The following MIER3 variants were observed in gnomAD, a reference collection of about 807,000 sequenced individuals.
MIER3 encodes mesoderm induction early response protein 3.
MIER3 carries 9 observed loss-of-function variants against 63.2 expected under a neutral mutation model. That is an observed-to-expected ratio of 0.14 (90% CI 0.09 to 0.25). The LOEUF (loss-of-function observed/expected upper bound fraction) is 0.25, where lower values mean the gene tolerates loss of function less well. Ranked by LOEUF, MIER3 falls within the 10% of genes least tolerant of loss-of-function variation. MIER3 has a pLI of 1.00. For synonymous variants in MIER3, 205 were observed against 224.9 expected (o/e 0.91, Z 0.79); for missense variants, 512 against 666.2 (o/e 0.77, Z 2.55).
Position 56,951,547 on chromosome 5 carries a change from G to A in MIER3, c.9+547C>T, listed in dbSNP as rs543923276. ...GTCCCGCTCTTCTGAGAAGCCCGGT[G>A]GCCCCGCATCCCGCTCTTCTCCGCG... On this transcript the variant is annotated intron_variant, in intron 1 of 12. Transcript: ENST00000381199. Among the ~76,000 whole-genome samples, 8 of 152,284 alleles carry A rather than the reference G, an allele frequency of 5.3e-5. No individual in the cohort carries two copies. In the South Asian group the frequency reaches 1.2e-3, roughly 24 times the overall value.
intron 10 of MIER3, among the ~76,000 whole-genome samples, chr5:56,924,880 A>G (rs1749885243): frequency 6.6e-6 from 1 of 152,236 alleles, no homozygotes; most frequent in African/African-American, 2.4e-5. Flanking sequence ...ATATAAGATT[A>G]CTAATATGGG....
chr5:56,937,603 A>T lies in MIER3; in HGVS notation c.411T>A (p.Ser137=). The T allele has an allele frequency of 1.9e-6, 3 of 1,611,562 alleles. No homozygotes were observed. The highest frequency in any genetic ancestry group is 2.5e-6 in the Non-Finnish European group (3 of 1,178,650). Reference sequence around the variant, plus strand: ...ATCGTAAAGGCCTAGGGAAGAAATCAGAAGTTTCATGGGAAGTCACAGATG... The same window carrying T: ...ATCGTAAAGGCCTAGGGAAGAAATCTGAAGTTTCATGGGAAGTCACAGATG... ...LTPSVTSHET[S]DFFPRPLRSN... The change falls in exon 5 of 13, where the codon TCT becomes TCA. Residue 137 remains serine (S), a synonymous_variant. Transcript: ENST00000381199.
At position 56,919,844 on chromosome 5, in the gene MIER3, A is replaced by G. The variant is rs1174844074; in HGVS notation, c.*3284T>C. Reference sequence around the variant, plus strand: ...CACTGGTCATCTAAGAGGAATATTAATATCTACCATATTTAACAATAAAAC... The same window carrying G: ...CACTGGTCATCTAAGAGGAATATTAGTATCTACCATATTTAACAATAAAAC... On this transcript the variant is annotated 3_prime_UTR_variant, in exon 13 of 13. Transcript: ENST00000381199. 6.6e-6 allele frequency: 1 copy of G among 152,640 alleles called. No individual in the cohort carries two copies. Among genetic ancestry groups the G allele is most frequent in the African/African-American group, 2.4e-5 (1 of 41,460 alleles). The allele number at this position is 152,640 out of a possible 1,614,324, so 9.5% of individuals were successfully genotyped here. A position where few individuals can be genotyped will look rare whatever the true frequency, so the allele number is the denominator to read the frequency against.
rs1026762855 is a variant in MIER3, at chr5:56,922,656, C to G, written c.*472G>C. On this transcript the variant is annotated 3_prime_UTR_variant, in exon 13 of 13. Transcript: ENST00000381199. ...AAAAAATGCTACATTGAGCAGGGAT[C>G]GGGATCGGTACCTGTAAACATTGTT... The G allele has an allele frequency of 6.3e-6, 1 of 157,766 alleles. No homozygotes were observed. Among genetic ancestry groups the G allele is most frequent in the Non-Finnish European group, 1.4e-5 (1 of 70,912 alleles). The allele number at this position is 157,766 out of a possible 1,614,324, so 9.8% of individuals were successfully genotyped here. A position where few individuals can be genotyped will look rare whatever the true frequency, so the allele number is the denominator to read the frequency against.
intron 3 of MIER3, among the ~76,000 whole-genome samples, chr5:56,943,268 C>T (rs970398634): frequency 1.3e-5 from 2 of 150,226 alleles, no homozygotes; most frequent in African/African-American, 4.9e-5. Flanking sequence ...CTGAGGGCAA[C>T]ACAAGATCAA....
chr5:56,949,725 A>C (rs1750952357), intron 2 of MIER3, among the ~76,000 whole-genome samples: 1 of 152,222 alleles, frequency 6.6e-6, no homozygotes. Flanking sequence ...AAGATTTAGG[A>C]GCTCATCTGT....
intron 3 of MIER3, among the ~76,000 whole-genome samples, chr5:56,939,553 A>T (rs768310300): frequency 3.9e-5 from 6 of 152,178 alleles, no homozygotes; most frequent in Middle Eastern, 3.2e-3. Context: ...CAGTTTTTTT[A>T]AAACAACTGT....
chr5:56,935,281 T>C, intron 7 of MIER3, 147 bp downstream of exon 7: 1 of 650,988 alleles, frequency 1.5e-6, no homozygotes, highest in Non-Finnish European at 2.6e-6. Context: ...ACATTTTTCC[T>C]AAGTCAGGCC....
At chr5:56,947,176 G>T in intron 2 of MIER3, 105 bp from the exon 3 acceptor site, 1 of 1,084,644 alleles carries the variant, frequency 9.2e-7, no homozygotes, top group Non-Finnish European at 1.3e-6. Context: ...TTTATATGAG[G>T]GTTTTACTAA....
At chr5:56,925,515 C>T (rs183072175) in intron 10 of MIER3, 82 of 228,266 alleles carry the variant, frequency 3.6e-4, no homozygotes, top group Non-Finnish European at 6.2e-4. Context: ...ACATTAGCAC[C>T]CCAAAATTAA....
At chr5:56,924,211 T>A (rs547418414) in intron 10 of MIER3, among the ~76,000 whole-genome samples, 169 bp from the exon 11 acceptor site, 5 of 152,200 alleles carry the variant, frequency 3.3e-5, no homozygotes, top group African/African-American at 4.8e-5. Flanking sequence ...ATTAGTGGAA[T>A]GCCTTTACAT....
chr5:56,938,175 G>A (rs912208061), intron 4 of MIER3: 3 of 446,624 alleles, frequency 6.7e-6, no homozygotes, highest in African/African-American at 4.1e-5. Flanking sequence ...TAAGTATACA[G>A]TCATCCTTGT....
chr5:56,941,252 C>T (rs994007243), intron 3 of MIER3: 4 of 547,216 alleles, frequency 7.3e-6, no homozygotes, highest in Admixed American at 1.3e-4. Context: ...CAAGGGCAGA[C>T]CTACACCCCA....
At position 56,923,750 on chromosome 5, in the gene MIER3, T is replaced by C; in HGVS notation, c.1136A>G (p.Glu379Gly). 1.2e-6 allele frequency: 2 copies of C among 1,614,206 alleles called. No individual in the cohort carries two copies. Among genetic ancestry groups the C allele is most frequent in the Non-Finnish European group, 1.7e-6 (2 of 1,180,026 alleles). Reference sequence around the variant, plus strand: ...GTTTAGCTGTTGATCAGGAATAGGCTCAGGCCGGTTAGAAGTTAAGGCTGA... The same window carrying C: ...GTTTAGCTGTTGATCAGGAATAGGCCCAGGCCGGTTAGAAGTTAAGGCTGA... ...NASALTSNRP[E>G]PIPDQQLNIL... Residue 379 changes from glutamate (E) to glycine (G), a missense_variant, in exon 12 of 13, where the codon GAG becomes GGG. By Grantham distance (98) the Glu-to-Gly change is moderately conservative (BLOSUM62 -2). This residue lies in a region of MIER3 where 218 missense variants were observed against 251.2 expected (regional missense o/e 0.87). Coordinates refer to ENST00000381199, the MANE Select transcript of MIER3 (RefSeq NM_001297599.2).
chr5:56,922,768 T>TGGTGTAGATCTC lies in MIER3; in HGVS notation c.*359_*360insGAGATCTACACC. The stretch of plus-strand genomic sequence containing the variant: ...CAGAACATCTGTGCTGGTTTTGAGC[T>TGGTGTAGATCTC]GGTGGCCTCTGTCTACAGGTTTTAA... On this transcript the variant is annotated 3_prime_UTR_variant, in exon 13 of 13. Transcript: ENST00000381199. The TGGTGTAGATCTC allele has an allele frequency of 4.3e-6, 1 of 233,126 alleles. No individual in the cohort carries two copies. The highest frequency in any genetic ancestry group is 5.0e-5 in the Admixed American group (1 of 19,882). The allele number at this position is 233,126 out of a possible 1,614,324, so 14.4% of individuals were successfully genotyped here.
At chr5:56,940,333 C>T (rs1750599739) in intron 3 of MIER3, among the ~76,000 whole-genome samples, 2 of 151,946 alleles carry the variant, frequency 1.3e-5, no homozygotes. Context: ...TAAAATAATC[C>T]GTAAAGCAAA....
chr5:56,947,863 A>T (rs543321291), intron 2 of MIER3, among the ~76,000 whole-genome samples: 2 of 152,366 alleles, frequency 1.3e-5, no homozygotes, highest in East Asian at 3.8e-4. Context: ...GCAAATATGA[A>T]GTCAATAGGA....
chr5:56,942,720 G>A (rs892272237), intron 3 of MIER3, among the ~76,000 whole-genome samples: 1 of 152,016 alleles, frequency 6.6e-6, no homozygotes, highest in Non-Finnish European at 1.5e-5. Flanking sequence ...AATAGAACGA[G>A]GAAAAAGTAG....
At chr5:56,923,620 T>C (rs1749799441) in intron 12 of MIER3, 35 bp from the exon 13 acceptor site, 1 of 1,612,638 alleles carries the variant, frequency 6.2e-7, no homozygotes, top group South Asian at 1.1e-5. Context: ...AAGTAAGTGG[T>C]CCTATGACAT....
Sources: allele counts gnomAD v4.1 joint callset (sites outside exome capture counted in the v4.1 genomes callset), GRCh38; gene constraint gnomAD v4.1.1; regional missense constraint gnomAD v4.1.1; transcripts MANE v1.5; gene names NCBI Gene and HGNC (gene_info 2026-07-23, HGNC 2026-07-21).